AGFG2: variants seen among roughly 807,000 people sequenced by gnomAD.
AGFG2 encodes arf-GAP domain and FG repeat-containing protein 2.
In AGFG2, 31 loss-of-function variants were observed where a neutral mutation model predicts 48.0. That is an observed-to-expected ratio of 0.65 (90% confidence interval 0.49 to 0.87). AGFG2 has a LOEUF of 0.87. AGFG2 is among the 40% of genes least tolerant of loss of function. The probability of loss-of-function intolerance (pLI) is 0.00; values close to 1 mark genes in which losing one functional copy is unlikely to be tolerated. For synonymous variants in AGFG2, 229 were observed against 260.8 expected, an observed-to-expected ratio of 0.88 and a Z score of 1.18; for missense variants, 599 against 632.6, an observed-to-expected ratio of 0.95 and a Z score of 0.57.
chr7:100,567,365 A>G lies in AGFG2; in HGVS notation c.*2374A>G, dbSNP rs1195913077. ...AGCTGCAGATTCAAACCCACCACAC[A>G]CACCACGGGGCTAGAGTGACTCACC... On this transcript the variant is annotated 3_prime_UTR_variant, in exon 12 of 12. Transcript: ENST00000300176. The G allele has an allele frequency of 3.9e-5, 6 of 153,020 alleles. No individual in the cohort carries two copies. Among genetic ancestry groups the G allele is most frequent in the African/African-American group, 1.4e-4 (6 of 41,460 alleles). 9.5% of individuals were successfully genotyped at this position (153,020 alleles called of 1,614,324 possible). A position where few individuals can be genotyped will look rare whatever the true frequency, so the allele number is the denominator to read the frequency against.
At chr7:100,561,143 T>G (rs1172328398) in intron 6 of AGFG2, among the ~76,000 whole-genome samples, 1 of 148,812 alleles carries the variant, frequency 6.7e-6, no homozygotes, top group Non-Finnish European at 1.5e-5. Flanking sequence ...TTTTTTTTTT[T>G]GAGACGGAGT....
chr7:100,546,421 G>A (rs931072873), intron 1 of AGFG2, among the ~76,000 whole-genome samples: 88 of 152,208 alleles, frequency 5.8e-4, no homozygotes, highest in African/African-American at 2.1e-3. Context: ...CCCCATGACT[G>A]TTTCTCTTCC....
chr7:100,556,753 G>A (rs570158166), intron 6 of AGFG2: 2 of 697,618 alleles, frequency 2.9e-6, no homozygotes, highest in South Asian at 3.5e-5. Context: ...CCCTAGTCAT[G>A]CAGGCCACAG....
At position 100,562,475 on chromosome 7, in the gene AGFG2, C is replaced by G. The variant is rs1199343783; in HGVS notation, c.998+96C>G. The G allele has an allele frequency of 1.9e-6, 3 of 1,595,870 alleles. No individual in the cohort carries two copies. Among genetic ancestry groups the G allele is most frequent in the African/African-American group, 2.7e-5 (2 of 74,588 alleles). ...GCCCCATCGGCATCTCCTGGCAGTT[C>G]TCCCCTCCCCTCCTCTCCCTTACTC... On this transcript the variant is annotated intron_variant, in intron 7 of 11. Coordinates refer to ENST00000300176, the MANE Select transcript of AGFG2 (RefSeq NM_006076.5). The surrounding 1 kb of genome is among the most constrained non-coding windows in gnomAD (Gnocchi z 5.4).
intron 3 of AGFG2, 89 bp from the exon 4 acceptor site, chr7:100,553,256 ATT>A: frequency 1.3e-6 from 2 of 1,494,276 alleles, no homozygotes; most frequent in Non-Finnish European, 1.8e-6. Context: ...ATGAGCATAG[ATT>A]TTGACTCCTG....
intron 6 of AGFG2, among the ~76,000 whole-genome samples, chr7:100,560,820 T>C (rs1209059718): frequency 6.8e-6 from 1 of 147,340 alleles, no homozygotes; most frequent in Non-Finnish European, 1.5e-5. Flanking sequence ...TTTTTTTTTT[T>C]TTTTTTTTTG....
rs1800898073 is a variant in AGFG2 at position 100,562,485 on chromosome 7, CT to C, written c.998+107del. The C allele has an allele frequency of 1.9e-6, 3 of 1,599,924 alleles. No individual in the cohort carries two copies. Among genetic ancestry groups the C allele is most frequent in the Admixed American group, 1.7e-5 (1 of 58,536 alleles). On this transcript the variant is annotated intron_variant, in intron 7 of 11. Transcript: ENST00000300176. This position sits in a 1 kb window ranked among gnomAD's most constrained non-coding sequence, Gnocchi z 5.4. ...CATCTCCTGGCAGTTCTCCCCTCCC[CT>C]CCTCTCCCTTACTCACCCTGGAGAG...
In AGFG2 at chr7:100,548,813, C is replaced by A; in HGVS notation, c.222-9C>A. ...TATACTTCTCTTTCTTCCTGTTTCT[C>A]TCCCATAGGAGAGGGCTGAACCCCC... On this transcript the variant is annotated splice_polypyrimidine_tract_variant and intron_variant, in intron 1 of 11. Coordinates refer to ENST00000300176, the MANE Select transcript of AGFG2 (RefSeq NM_006076.5). The A allele has an allele frequency of 6.2e-7, 1 of 1,606,538 alleles. No homozygotes were observed. The highest frequency in any genetic ancestry group is 8.5e-7 in the Non-Finnish European group (1 of 1,173,332).
At chr7:100,560,011 C>CA (rs1800832370) in intron 6 of AGFG2, among the ~76,000 whole-genome samples, 1 of 152,162 alleles carries the variant, frequency 6.6e-6, no homozygotes, top group South Asian at 2.1e-4. Flanking sequence ...GCCTGGTCCT[C>CA]ACTGGGTGAA....
intron 1 of AGFG2, 79 bp from the exon 2 acceptor site, chr7:100,548,743 C>G: frequency 2.4e-6 from 2 of 849,428 alleles, no homozygotes; most frequent in Non-Finnish European, 3.7e-6. Context: ...ACCCTTTCTC[C>G]CTCCTCCTCC....
chr7:100,558,790 T>C (rs1800810007), intron 6 of AGFG2, among the ~76,000 whole-genome samples: 1 of 152,074 alleles, frequency 6.6e-6, no homozygotes. Context: ...AGGGCTCAGC[T>C]CCACGGATGT....
In AGFG2 at chr7:100,566,812, T is replaced by G. The variant is rs1043476688; in HGVS notation, c.*1821T>G. On this transcript the variant is annotated 3_prime_UTR_variant, in exon 12 of 12. Transcript: ENST00000300176. ...TTTCTCCCCTCTTCGCCACCCTAGA[T>G]TATCTCTGTGTCCCTCTACCTAATT... is the stretch of plus-strand genomic sequence containing the variant. 1 of 152,362 alleles carries G rather than the reference T, an allele frequency of 6.6e-6. No individual in the cohort carries two copies. Among genetic ancestry groups the G allele is most frequent in the African/African-American group, 2.4e-5 (1 of 41,448 alleles). 9.4% of individuals were successfully genotyped at this position (152,362 alleles called of 1,614,324 possible). A position where few individuals can be genotyped will look rare whatever the true frequency, so the allele number is the denominator to read the frequency against.
chr7:100,564,076 G>C (rs186238517), intron 10 of AGFG2, 114 bp downstream of exon 10: 26 of 1,555,500 alleles, frequency 1.7e-5, no homozygotes, highest in African/African-American at 4.1e-5. Context: ...TGACCAGCAG[G>C]GGGGACCAGG....
chr7:100,555,758 C>G, intron 6 of AGFG2, 23 bp downstream of exon 6: 1 of 1,612,634 alleles, frequency 6.2e-7, no homozygotes, highest in Non-Finnish European at 8.5e-7. Flanking sequence ...CCACTGGCTT[C>G]CTTTCTCTTC....
intron 1 of AGFG2, among the ~76,000 whole-genome samples, chr7:100,545,289 G>A (rs1377164924): frequency 1.3e-5 from 2 of 152,150 alleles, no homozygotes; most frequent in Non-Finnish European, 2.9e-5. Context: ...CTTTTATGAA[G>A]CAAGATAGAA....
chr7:100,549,461 C>G (rs1296964105), intron 2 of AGFG2, among the ~76,000 whole-genome samples: 1 of 152,160 alleles, frequency 6.6e-6, no homozygotes, highest in Non-Finnish European at 1.5e-5. Flanking sequence ...TGAAAATTGT[C>G]CTGGACCCTA....
intron 5 of AGFG2, among the ~76,000 whole-genome samples, chr7:100,554,937 C>CAAAAA (rs749887106): frequency 3.5e-5 from 2 of 57,566 alleles, no homozygotes; most frequent in Non-Finnish European, 3.6e-5. Context: ...GACTCCGTCT[C>CAAAAA]AAAAAAAAAA....
intron 6 of AGFG2, chr7:100,556,488 G>A: frequency 2.1e-6 from 2 of 970,316 alleles, no homozygotes; most frequent in Non-Finnish European, 2.8e-6. Flanking sequence ...GAGGGCAGCT[G>A]CAGTGCTCGC....
At chr7:100,551,067 T>TATATATATATATA (rs1562791931) in intron 3 of AGFG2, among the ~76,000 whole-genome samples, 48 of 96,670 alleles carry the variant, frequency 5.0e-4, no homozygotes, top group Admixed American at 6.4e-4. Flanking sequence ...TATATATATA[T>TATATATATATATA]TTCTTTTTTT....
Sources: allele counts gnomAD v4.1 joint callset (sites outside exome capture counted in the v4.1 genomes callset), GRCh38; gene constraint gnomAD v4.1.1; non-coding constraint Gnocchi (gnomAD v3.1); transcripts MANE v1.5; gene names NCBI Gene and HGNC (gene_info 2026-07-23, HGNC 2026-07-21).